Variants in TUSC3 observed in about 807,000 individuals in gnomAD.
TUSC3 encodes dolichyl-diphosphooligosaccharide--protein glycosyltransferase subunit TUSC3.
Under a neutral mutation model 44.8 loss-of-function variants are expected in TUSC3, and 45 were observed. The ratio of observed to expected loss-of-function variants is 1.00; its 90% confidence interval spans 0.79 to 1.29. The LOEUF (loss-of-function observed/expected upper bound fraction) is 1.29. Ranked by LOEUF, TUSC3 falls within the 50% of genes most tolerant of loss-of-function variation. The pLI is 0.00. For missense variants in TUSC3, 519 were observed against 437.9 expected (o/e 1.19, Z -1.65); for synonymous variants, 212 against 152.9 (o/e 1.39, Z -2.85).
chr8:15,648,758 AC>A lies in TUSC3; in HGVS notation c.309-1938del, dbSNP rs1806750510. The stretch of plus-strand genomic sequence containing the variant: ...AAAAAAAAAAAAAAAAAAAAAAAAG[AC>A]ATCTCCTGTTGAACAAAGCATCATC... On this transcript the variant is annotated intron_variant, in intron 2 of 10. Coordinates refer to ENST00000503731, the MANE Select transcript of TUSC3 (RefSeq NM_006765.4). Among the ~76,000 whole-genome samples the A allele has an allele frequency of 1.2e-3, 158 of 131,864 alleles. 3 individuals are homozygous for A. Among genetic ancestry groups the A allele is most frequent in the African/African-American group, 4.6e-3 (149 of 32,504 alleles). The allele number at this position is 131,864 out of a possible 152,430, so 86.5% of individuals were successfully genotyped here.
intron 2 of TUSC3, among the ~76,000 whole-genome samples, chr8:15,490,395 C>G (rs1335424682): frequency 6.6e-6 from 1 of 152,164 alleles, no homozygotes; most frequent in African/African-American, 2.4e-5. Context: ...AACACCCTAA[C>G]TTTCTCCTCT....
intron 1 of TUSC3, among the ~76,000 whole-genome samples, chr8:15,605,866 C>G (rs1260775654): frequency 6.6e-6 from 1 of 151,984 alleles, no homozygotes. Flanking sequence ...ACTGTCATAA[C>G]TTCGTAGCTG....
intron 1 of TUSC3, among the ~76,000 whole-genome samples, chr8:15,419,908 T>C (rs112471291): frequency 0.012 from 1,873 of 152,304 alleles, 50 homozygotes; most frequent in African/African-American, 0.042. Context: ...TTGTCTTTTA[T>C]AAATCTTTAT....
At chr8:15,604,984 A>G (rs1014902239) in intron 1 of TUSC3, among the ~76,000 whole-genome samples, 2 of 152,050 alleles carry the variant, frequency 1.3e-5, no homozygotes, top group African/African-American at 2.4e-5. Flanking sequence ...AAAGAGATAC[A>G]TAAAACTCTG....
At chr8:15,649,294 A>G (rs1010483523) in intron 2 of TUSC3, among the ~76,000 whole-genome samples, 12 of 152,040 alleles carry the variant, frequency 7.9e-5, no homozygotes, top group African/African-American at 2.9e-4. Context: ...ATTGAGTATT[A>G]AGAAGTTTAG....
intron 1 of TUSC3, among the ~76,000 whole-genome samples, chr8:15,566,606 TTTGTTG>T (rs200620047): frequency 1.4e-5 from 2 of 143,714 alleles, no homozygotes; most frequent in South Asian, 2.3e-4. Flanking sequence ...GACACATTTT[TTTGTTG>T]TTGTTGTTGT....
At chr8:15,634,589 T>C (rs1254037001) in intron 2 of TUSC3, among the ~76,000 whole-genome samples, 1 of 152,230 alleles carries the variant, frequency 6.6e-6, no homozygotes, top group African/African-American at 2.4e-5. Context: ...TGGTTGAAGA[T>C]GGCAGATCCA....
At chr8:15,573,216 A>G (rs1382336119) in intron 1 of TUSC3, among the ~76,000 whole-genome samples, 2 of 139,088 alleles carry the variant, frequency 1.4e-5, no homozygotes, top group African/African-American at 5.5e-5. Flanking sequence ...ATATATATAT[A>G]TATATATATA....
At chr8:15,588,113 G>T (rs1407068162) in intron 1 of TUSC3, among the ~76,000 whole-genome samples, 1 of 152,000 alleles carries the variant, frequency 6.6e-6, no homozygotes, top group African/African-American at 2.4e-5. Context: ...TGGTAGTTCT[G>T]TTTTTAGTTT....
At chr8:15,668,361 T>A (rs1807774660) in intron 5 of TUSC3, among the ~76,000 whole-genome samples, 4 of 151,826 alleles carry the variant, frequency 2.6e-5, no homozygotes, top group Admixed American at 2.6e-4. Flanking sequence ...GAATAGTGAT[T>A]CTTTGTTTCA....
chr8:15,417,800 G>C (rs534344977), intron 1 of TUSC3, among the ~76,000 whole-genome samples: 1 of 152,220 alleles, frequency 6.6e-6, no homozygotes, highest in Non-Finnish European at 1.5e-5. Context: ...GATTGGCGTT[G>C]GCTTATGGTT....
At chr8:15,419,952 T>C (rs890389508) in intron 1 of TUSC3, among the ~76,000 whole-genome samples, 1 of 152,160 alleles carries the variant, frequency 6.6e-6, no homozygotes, top group African/African-American at 2.4e-5. Flanking sequence ...ACATATTTAA[T>C]TGAAATCAGT....
intron 1 of TUSC3, among the ~76,000 whole-genome samples, chr8:15,461,783 A>G (rs1258090640): frequency 6.6e-6 from 1 of 152,002 alleles, no homozygotes; most frequent in African/African-American, 2.4e-5. Context: ...AAGACATTCA[A>G]TGTATATCAA....
chr8:15,839,964 C>G, the TUSC3 span, among the ~76,000 whole-genome samples: 1 of 152,160 alleles, frequency 6.6e-6, no homozygotes, highest in African/African-American at 2.4e-5. Flanking sequence ...ATAGCAAAGA[C>G]TTGGAACCAA....
At chr8:15,758,031 G>T in intron 10 of TUSC3, 176 bp downstream of exon 10, 2 of 1,405,550 alleles carry the variant, frequency 1.4e-6, no homozygotes, top group Non-Finnish European at 1.8e-6. Context: ...CTGCCACAGG[G>T]AGAAGTCCTC....
intron 1 of TUSC3, among the ~76,000 whole-genome samples, chr8:15,433,257 A>G (rs930733286): frequency 4.6e-5 from 7 of 152,214 alleles, no homozygotes; most frequent in African/African-American, 7.2e-5. Flanking sequence ...TAAAAAAACA[A>G]CATAGTTCAC....
At chr8:15,627,394 C>G (rs1805563923) in intron 2 of TUSC3, among the ~76,000 whole-genome samples, 4 of 152,222 alleles carry the variant, frequency 2.6e-5, no homozygotes, top group Admixed American at 2.6e-4. Flanking sequence ...CACTAAAGCT[C>G]CTCTTTGTCT....
intron 1 of TUSC3, among the ~76,000 whole-genome samples, chr8:15,545,177 C>T (rs1474551563): frequency 1.3e-5 from 2 of 151,416 alleles, no homozygotes; most frequent in African/African-American, 2.4e-5. Context: ...TCTTGGTGGT[C>T]AGTATTACTG....
intron 2 of TUSC3, among the ~76,000 whole-genome samples, chr8:15,490,594 A>G (rs1454179815): frequency 6.6e-6 from 1 of 152,176 alleles, no homozygotes; most frequent in East Asian, 1.9e-4. Flanking sequence ...TCAGACACAA[A>G]GTGTGCAGCT....
Sources: allele counts gnomAD v4.1 joint callset (sites outside exome capture counted in the v4.1 genomes callset), GRCh38; gene constraint gnomAD v4.1.1; transcripts MANE v1.5; gene names NCBI Gene and HGNC (gene_info 2026-07-23, HGNC 2026-07-21).